Variants in TIE1 observed in about 807,000 individuals in gnomAD.
TIE1 encodes tyrosine-protein kinase receptor Tie-1.
TIE1 carries 89 observed loss-of-function variants against 130.5 expected under a neutral mutation model. That is an observed-to-expected ratio of 0.68 (90% CI 0.57 to 0.81). TIE1 has a LOEUF of 0.81. Among genes scored for constraint, TIE1 ranks in the 40% least tolerant of loss-of-function variants. The pLI, the probability that TIE1 is intolerant of heterozygous loss-of-function variation, is 0.00. For missense variants in TIE1, 1,392 were observed against 1,559.8 expected (o/e 0.89, Z 1.81); for synonymous variants, 568 against 629.4 (o/e 0.90, Z 1.46).
Position 43,307,643 on chromosome 1 carries a change from C to T in TIE1, c.913+71C>T. On this transcript the variant is annotated intron_variant, in intron 6 of 22. Coordinates refer to ENST00000372476, the MANE Select transcript of TIE1 (RefSeq NM_005424.5). This position sits in a 1 kb window ranked among gnomAD's most constrained non-coding sequence, Gnocchi z 5.4. ...AGGAGCTTGACCCGGACCCTCCACT[C>T]TGCCTCTGACTTACGCAGCAAGCCC... is the stretch of plus-strand genomic sequence containing the variant. 1 of 1,608,850 alleles carries T rather than the reference C, an allele frequency of 6.2e-7. No individual in the cohort carries two copies. The highest frequency in any genetic ancestry group is 1.1e-5 in the South Asian group (1 of 90,804).
Position 43,313,704 on chromosome 1 carries a change from T to A in TIE1, c.2219-74T>A. On this transcript the variant is annotated intron_variant, in intron 13 of 22. Transcript: ENST00000372476. This position sits in a 1 kb window ranked among gnomAD's most constrained non-coding sequence, Gnocchi z 6.2. Reference sequence around the variant, plus strand: ...CACTGGGATCTTTCACCTCTCCCTCTGTGTAACCCCATGGTGGCCTCTGGG... The same window carrying A: ...CACTGGGATCTTTCACCTCTCCCTCAGTGTAACCCCATGGTGGCCTCTGGG... The A allele has an allele frequency of 6.9e-7, 1 of 1,454,062 alleles. No individual in the cohort carries two copies. The highest frequency in any genetic ancestry group is 2.2e-5 in the Admixed American group (1 of 44,630). The allele number at this position is 1,454,062 out of a possible 1,614,324, so 90.1% of individuals were successfully genotyped here.
chr1:43,311,183 G>A (rs562432855), intron 9 of TIE1, among the ~76,000 whole-genome samples: 1 of 152,172 alleles, frequency 6.6e-6, no homozygotes, highest in African/African-American at 2.4e-5. Flanking sequence ...CTGAGTCTCA[G>A]TGTTTTCATA....
chr1:43,314,314 C>T lies in TIE1; in HGVS notation c.2409+346C>T, dbSNP rs376024602. The T allele has an allele frequency of 9.0e-5, 100 of 1,105,588 alleles. 2 individuals are homozygous for T. The East Asian group carries it at 2.0e-3, about 22-fold the overall frequency. The allele number at this position is 1,105,588 out of a possible 1,614,324, so 68.5% of individuals were successfully genotyped here. ...TCTTTTATTTCTCCCTAGCGGTTAT[C>T]TAGGCCTAGATAGCAAGGTGATCAA... On this transcript the variant is annotated intron_variant, in intron 14 of 22. Transcript: ENST00000372476.
At chr1:43,310,785 A>G (rs1295790216) in intron 9 of TIE1, among the ~76,000 whole-genome samples, 1 of 152,124 alleles carries the variant, frequency 6.6e-6, no homozygotes, top group African/African-American at 2.4e-5. Context: ...TCTGCACCCA[A>G]AATGGACCTT....
Position 43,305,110 on chromosome 1 carries a change from G to GC in TIE1, c.318_319insC (p.Gly107ArgfsTer34), listed in dbSNP as rs773376065. Reference sequence around the variant, plus strand: ...ACCTCGTGGGCGTCTTCTCCTGCGTGGGCGGTGCTGGGGCGCGGCGCACGC... The same window carrying GC: ...ACCTCGTGGGCGTCTTCTCCTGCGTGCGGCGGTGCTGGGGCGCGGCGCACGC... On this transcript the variant is annotated frameshift_variant, in exon 2 of 23. Transcript: ENST00000372476. LOFTEE classifies it high-confidence loss of function. The GC allele has an allele frequency of 6.2e-6, 10 of 1,613,362 alleles. No individual in the cohort carries two copies. The highest frequency in any genetic ancestry group is 8.5e-7 in the Non-Finnish European group (1 of 1,179,728).
At chr1:43,303,414 G>A (rs1646689692) in intron 1 of TIE1, among the ~76,000 whole-genome samples, 1 of 152,188 alleles carries the variant, frequency 6.6e-6, no homozygotes, top group Non-Finnish European at 1.5e-5. Context: ...CTGGTTGTGA[G>A]GATCCAGTGG....
chr1:43,319,838 G>A lies in TIE1; in HGVS notation c.3107+309G>A. The A allele has an allele frequency of 2.6e-6, 1 of 390,266 alleles. No individual in the cohort carries two copies. The highest frequency in any genetic ancestry group is 4.8e-6 in the Non-Finnish European group (1 of 207,356). The allele number at this position is 390,266 out of a possible 1,614,324, so 24.2% of individuals were successfully genotyped here. On this transcript the variant is annotated intron_variant, in intron 19 of 22. Transcript: ENST00000372476. This position sits in a 1 kb window ranked among gnomAD's most constrained non-coding sequence, Gnocchi z 4.7. ...GATGCTTCCTGAGGTAGATGGAGAG[G>A]CCACTCAGGAATTGCTCTCATCTTC...
intron 19 of TIE1, 44 bp from the exon 20 acceptor site, chr1:43,321,225 G>C: frequency 6.2e-7 from 1 of 1,611,404 alleles, no homozygotes; most frequent in Non-Finnish European, 8.5e-7. Flanking sequence ...AACTGCTAGG[G>C]ACCAGGGCCT....
At position 43,312,092 on chromosome 1, in the gene TIE1, G is replaced by C. The variant is rs761789044; in HGVS notation, c.1591G>C (p.Ala531Pro). 7.6e-6 allele frequency: 12 copies of C among 1,586,732 alleles called. No individual in the cohort carries two copies. The highest frequency in any genetic ancestry group is 8.6e-6 in the Non-Finnish European group (10 of 1,165,210). ...CCGGCCAGGGGAAGGAGGAGAGGGG[G>C]CCTGGGGGCCTCCCACCCTCATGAC... ...LSRPGEGGEG[A>P]WGPPTLMTTD... Residue 531 changes from alanine (A) to proline (P), a missense_variant, in exon 11 of 23, where the codon GCC becomes CCC. By Grantham distance (27) the Ala-to-Pro change is conservative (BLOSUM62 -1). Coordinates refer to ENST00000372476, the MANE Select transcript of TIE1 (RefSeq NM_005424.5). This position sits in a 1 kb window ranked among gnomAD's most constrained non-coding sequence, Gnocchi z 5.6.
Position 43,321,478 on chromosome 1 carries a change from C to A in TIE1, c.3231C>A (p.Asn1077Lys). 1 of 1,613,244 alleles carries A rather than the reference C, an allele frequency of 6.2e-7. No individual in the cohort carries two copies. The highest frequency in any genetic ancestry group is 8.5e-7 in the Non-Finnish European group (1 of 1,179,616). ...GCTACCGCATGGAGCAGCCTCGAAA[C>A]TGTGACGATGAAGTGTGAGTCACCC... ...PQGYRMEQPR[N>K]CDDEVYELMR... Residue 1077 changes from asparagine to lysine, a missense_variant, in exon 21 of 23, where the codon AAC (asparagine) becomes AAA (lysine). Physicochemically the swap from Asn to Lys is moderately conservative, Grantham distance 94. Coordinates refer to ENST00000372476, the MANE Select transcript of TIE1 (RefSeq NM_005424.5).
intron 9 of TIE1, among the ~76,000 whole-genome samples, chr1:43,310,119 CT>C (rs982485029): frequency 1.3e-5 from 2 of 152,152 alleles, no homozygotes; most frequent in Non-Finnish European, 2.9e-5. Flanking sequence ...CTGCCACCCC[CT>C]GACCCTGCTG....
At position 43,316,113 on chromosome 1, in the gene TIE1, C is replaced by T. The variant is rs552215433; in HGVS notation, c.2410-1086C>T. Among the ~76,000 whole-genome samples, 20 of 152,280 alleles carry T rather than the reference C, an allele frequency of 1.3e-4. No individual in the cohort carries two copies. The highest frequency in any genetic ancestry group is 2.4e-4 in the Non-Finnish European group (16 of 68,020). ...CATGTGCCTGCATATGGATAGGAAA[C>T]GTGTGTGCACAAATGTGTGTGCTCC... On this transcript the variant is annotated intron_variant, in intron 14 of 22. Coordinates refer to ENST00000372476, the MANE Select transcript of TIE1 (RefSeq NM_005424.5). The surrounding 1 kb of genome is among the most constrained non-coding windows in gnomAD (Gnocchi z 4.4).
intron 7 of TIE1, 120 bp from the exon 8 acceptor site, chr1:43,308,866 T>G: frequency 7.0e-7 from 1 of 1,419,796 alleles, no homozygotes; most frequent in East Asian, 2.3e-5. Flanking sequence ...TTTGCTGGTT[T>G]TCAGGCTGGA....
rs766876055 is a variant in TIE1 at position 43,320,967 on chromosome 1, C to T, written c.3108-302C>T. On this transcript the variant is annotated intron_variant, in intron 19 of 22. Transcript: ENST00000372476. The stretch of plus-strand genomic sequence containing the variant: ...ACTGAGGTGGGAGGACCACCTGATC[C>T]TGGGAGGTTGAGGCTGCAGTAAGCC... 273 of 420,190 alleles carry T rather than the reference C, an allele frequency of 6.5e-4. 1 individual carries two copies. Among genetic ancestry groups the T allele is most frequent in the Middle Eastern group, 2.0e-3 (3 of 1,536 alleles). The allele number at this position is 420,190 out of a possible 1,614,324, so 26.0% of individuals were successfully genotyped here.
Position 43,313,679 on chromosome 1 carries a change from C to A in TIE1, c.2219-99C>A. 2 of 1,312,666 alleles carry A rather than the reference C, an allele frequency of 1.5e-6. No individual in the cohort carries two copies. Among genetic ancestry groups the A allele is most frequent in the Non-Finnish European group, 2.1e-6 (2 of 969,802 alleles). 81.3% of individuals were successfully genotyped at this position (1,312,666 alleles called of 1,614,324 possible). On this transcript the variant is annotated intron_variant, in intron 13 of 22. Coordinates refer to ENST00000372476, the MANE Select transcript of TIE1 (RefSeq NM_005424.5). This position sits in a 1 kb window ranked among gnomAD's most constrained non-coding sequence, Gnocchi z 6.2. Reference sequence around the variant, plus strand: ...CCAAGTGATTTCCTGACAGTCCTGGCACTGGGATCTTTCACCTCTCCCTCT... The same window carrying A: ...CCAAGTGATTTCCTGACAGTCCTGGAACTGGGATCTTTCACCTCTCCCTCT...
chr1:43,322,914 A>C lies in TIE1; in HGVS notation c.*192A>C. ...GGTTCCCATGCTTTGTAGGTGTCTC[A>C]TAGCTATCCTGGGCATCCTTCTTTC... On this transcript the variant is annotated 3_prime_UTR_variant, in exon 23 of 23. Transcript: ENST00000372476. The surrounding 1 kb of genome is among the most constrained non-coding windows in gnomAD (Gnocchi z 4.0). 1 of 574,368 alleles carries C rather than the reference A, an allele frequency of 1.7e-6. No individual in the cohort carries two copies. The highest frequency in any genetic ancestry group is 2.1e-5 in the South Asian group (1 of 46,880). The allele number at this position is 574,368 out of a possible 1,614,324, so 35.6% of individuals were successfully genotyped here. A position where few individuals can be genotyped will look rare whatever the true frequency, so the allele number is the denominator to read the frequency against.
chr1:43,303,215 CAG>C (rs1247001011), intron 1 of TIE1, among the ~76,000 whole-genome samples: 2 of 151,954 alleles, frequency 1.3e-5, no homozygotes, highest in Non-Finnish European at 2.9e-5. Context: ...TCCAGTGAGT[CAG>C]GGAGCACTGG....
chr1:43,309,352 T>C lies in TIE1; in HGVS notation c.1189-36T>C, dbSNP rs753635322. The C allele has an allele frequency of 6.5e-7, 1 of 1,549,370 alleles. No homozygotes were observed. The highest frequency in any genetic ancestry group is 2.0e-5 in the Admixed American group (1 of 49,384). The stretch of plus-strand genomic sequence containing the variant: ...GGGTGCCTGCCACAGAGGTGCCCGT[T>C]CCCTGTGACCTGTCCCCTTCCCCCA... On this transcript the variant is annotated intron_variant, in intron 8 of 22. Transcript: ENST00000372476. This position sits in a 1 kb window ranked among gnomAD's most constrained non-coding sequence, Gnocchi z 6.3.
At chr1:43,308,935 T>C (rs765388191) in intron 7 of TIE1, 51 bp from the exon 8 acceptor site, 1 of 1,613,282 alleles carries the variant, frequency 6.2e-7, no homozygotes, top group Non-Finnish European at 8.5e-7. Flanking sequence ...GCTTTGGTGG[T>C]CACGTGTCTG....
Sources: gnomAD v4.1 joint callset for allele counts (sites outside exome capture counted in the v4.1 genomes callset) on GRCh38, gnomAD v4.1.1 for gene constraint, Gnocchi (gnomAD v3.1) non-coding constraint, MANE v1.5 for transcripts, NCBI Gene and HGNC (gene_info 2026-07-23, HGNC 2026-07-21) for gene names.